APBA2: variants seen among roughly 807,000 people sequenced by gnomAD.
APBA2 encodes amyloid-beta A4 precursor protein-binding family A member 2.
In APBA2, 30 loss-of-function variants were observed where a neutral mutation model predicts 75.0. That is an observed-to-expected ratio of 0.40 (90% confidence interval 0.30 to 0.54). The LOEUF (loss-of-function observed/expected upper bound fraction) is 0.54, where lower values mean the gene tolerates loss of function less well. Among genes scored for constraint, APBA2 ranks in the 20% least tolerant of loss-of-function variants. The pLI is 0.49. For synonymous variants in APBA2, 444 were observed against 409.6 expected (o/e 1.08, Z -1.01); for missense variants, 801 against 1,016.1 (o/e 0.79, Z 2.88).
intron 2 of APBA2, among the ~76,000 whole-genome samples, chr15:28,964,269 C>T (rs1272776472): frequency 6.6e-6 from 1 of 152,190 alleles, no homozygotes; most frequent in African/African-American, 2.4e-5. Flanking sequence ...TTTATATTCC[C>T]ATTAGCAATG....
chr15:29,096,142 C>T (rs2043838948), intron 8 of APBA2, among the ~76,000 whole-genome samples: 1 of 152,236 alleles, frequency 6.6e-6, no homozygotes, highest in Non-Finnish European at 1.5e-5. Flanking sequence ...GGTCCCTTTC[C>T]TGGCCCGGCC....
chr15:29,003,065 G>A (rs1454983577), intron 3 of APBA2, among the ~76,000 whole-genome samples: 1 of 152,184 alleles, frequency 6.6e-6, no homozygotes, highest in Non-Finnish European at 1.5e-5. Context: ...GCTAGGGGGT[G>A]AGGTAGAAGA....
intron 2 of APBA2, among the ~76,000 whole-genome samples, chr15:28,967,540 A>G (rs1449043515): frequency 6.6e-6 from 1 of 151,956 alleles, no homozygotes; most frequent in East Asian, 1.9e-4. Context: ...CCGGGTTCAC[A>G]CCATTCTCCT....
At chr15:28,997,383 C>G (rs1003269394) in intron 3 of APBA2, among the ~76,000 whole-genome samples, 1 of 152,178 alleles carries the variant, frequency 6.6e-6, no homozygotes, top group Non-Finnish European at 1.5e-5. Context: ...CTTTTGTGCT[C>G]TCAACAGGCC....
intron 13 of APBA2, among the ~76,000 whole-genome samples, chr15:29,110,886 CA>C (rs1436589126): frequency 1.3e-5 from 2 of 152,120 alleles, no homozygotes; most frequent in Non-Finnish European, 2.9e-5. Context: ...AGGCGGAGGG[CA>C]GCAGACGGGG....
At chr15:29,041,046 A>T (rs985362317) in intron 3 of APBA2, among the ~76,000 whole-genome samples, 3 of 152,332 alleles carry the variant, frequency 2.0e-5, no homozygotes, top group Admixed American at 2.0e-4. Context: ...AAAAGAAAAA[A>T]ATAGGAATTT....
intron 8 of APBA2, 94 bp downstream of exon 8, chr15:29,094,407 T>C (rs1305782798): frequency 4.1e-6 from 5 of 1,225,570 alleles, no homozygotes; most frequent in Non-Finnish European, 6.0e-6. Flanking sequence ...CCCCTGGGGA[T>C]CTAAATAATG....
chr15:29,012,424 G>A (rs557789709), intron 3 of APBA2, among the ~76,000 whole-genome samples: 1 of 152,268 alleles, frequency 6.6e-6, no homozygotes, highest in South Asian at 2.1e-4. Context: ...ATCTGAAAAA[G>A]TGCCATTCTT....
At chr15:29,114,126 A>G in intron 14 of APBA2, 110 bp downstream of exon 14, 1 of 1,493,432 alleles carries the variant, frequency 6.7e-7, no homozygotes, top group East Asian at 2.3e-5. Context: ...AAGGTCAGCC[A>G]GGCTGTGTCT....
intron 1 of APBA2, among the ~76,000 whole-genome samples, chr15:28,899,329 CT>C (rs1301238065): frequency 6.6e-6 from 1 of 152,260 alleles, no homozygotes; most frequent in Non-Finnish European, 1.5e-5. Flanking sequence ...CTGGACTCTA[CT>C]TTGCCCCTTC....
At chr15:29,093,297 G>C in intron 7 of APBA2, 77 bp downstream of exon 7, 1 of 1,568,538 alleles carries the variant, frequency 6.4e-7, no homozygotes, top group East Asian at 2.3e-5. Flanking sequence ...ATGGCGGGGC[G>C]TAGGCCCTCT....
chr15:29,038,664 CATTTTTTT>C (rs1263068923), intron 3 of APBA2, among the ~76,000 whole-genome samples: 1 of 134,236 alleles, frequency 7.4e-6, no homozygotes, highest in African/African-American at 2.9e-5. Context: ...TATATGCAGG[CATTTTTTT>C]TTTTTTTTTT....
chr15:28,915,379 C>T (rs1182417153), intron 1 of APBA2, among the ~76,000 whole-genome samples: 2 of 147,760 alleles, frequency 1.4e-5, no homozygotes, highest in Admixed American at 1.3e-4. Flanking sequence ...CTCACACACA[C>T]CATGCCCACC....
intron 1 of APBA2, among the ~76,000 whole-genome samples, chr15:28,915,245 C>T (rs1369197406): frequency 2.8e-3 from 417 of 148,274 alleles, no homozygotes; most frequent in African/African-American, 0.01. Context: ...CCCATATATA[C>T]CACACACCAC....
chr15:28,977,847 T>C (rs1056450475), intron 2 of APBA2, among the ~76,000 whole-genome samples: 4 of 152,092 alleles, frequency 2.6e-5, no homozygotes, highest in Admixed American at 2.0e-4. Flanking sequence ...CTGTTGTGTC[T>C]CTCCCATACA....
intron 2 of APBA2, among the ~76,000 whole-genome samples, chr15:28,969,192 T>TCTTTCTTTCTTTC (rs2036930388): frequency 8.3e-6 from 1 of 120,792 alleles, no homozygotes; most frequent in African/African-American, 2.8e-5. Flanking sequence ...TTTTTTTATT[T>TCTTTCTTTCTTTC]TTTATTTTTG....
At chr15:28,922,381 C>T (rs1566800843) in intron 2 of APBA2, among the ~76,000 whole-genome samples, 1 of 152,334 alleles carries the variant, frequency 6.6e-6, no homozygotes, top group African/African-American at 2.4e-5. Context: ...CTGGTGGCCA[C>T]CACAGTTAGT....
intron 8 of APBA2, among the ~76,000 whole-genome samples, chr15:29,095,738 C>T (rs941597765): frequency 6.6e-6 from 1 of 152,232 alleles, no homozygotes; most frequent in Non-Finnish European, 1.5e-5. Context: ...GGATGTCTGC[C>T]TTTTGCCCAG....
chr15:29,008,642 G>A (rs554359888), intron 3 of APBA2, among the ~76,000 whole-genome samples: 12 of 152,220 alleles, frequency 7.9e-5, no homozygotes, highest in Non-Finnish European at 1.0e-4. Flanking sequence ...CTGGAAGTTC[G>A]AGGCTGCAGT....
Sources: gnomAD v4.1 joint callset for allele counts (sites outside exome capture counted in the v4.1 genomes callset) on GRCh38, gnomAD v4.1.1 for gene constraint, MANE v1.5 for transcripts, NCBI Gene and HGNC (gene_info 2026-07-23, HGNC 2026-07-21) for gene names.